GLIS3: variants seen among roughly 807,000 people sequenced by gnomAD.
GLIS3 encodes the protein zinc finger protein GLIS3.
In GLIS3, 53 loss-of-function variants were observed where a neutral mutation model predicts 78.6. The observed-to-expected ratio is 0.67, with a 90% CI of 0.54 to 0.85. The LOEUF is 0.85. Among genes scored for constraint, GLIS3 ranks in the 40% least tolerant of loss-of-function variants. The probability of loss-of-function intolerance (pLI) is 0.00; values close to 1 mark genes in which losing one functional copy is unlikely to be tolerated. For missense variants in GLIS3, 1,703 were observed against 1,231.1 expected (o/e 1.38, Z -5.74); for synonymous variants, 684 against 509.9 (o/e 1.34, Z -4.60).
In GLIS3 at chr9:4,286,477, C is replaced by T. The variant is rs1003225169; in HGVS notation, c.-52G>A. 5 of 1,604,248 alleles carry T rather than the reference C, an allele frequency of 3.1e-6. No individual in the cohort carries two copies. Among genetic ancestry groups the T allele is most frequent in the Non-Finnish European group, 4.3e-6 (5 of 1,175,526 alleles). On this transcript the variant is annotated 5_prime_UTR_variant, in exon 2 of 11. Transcript: ENST00000381971. The stretch of plus-strand genomic sequence containing the variant: ...CAAATATCCAATGTCACTAATGACT[C>T]CTTTCAGGCAAAGTCCAATAAGTTA...
chr9:4,370,183 C>CAAAAA, the GLIS3 span, among the ~76,000 whole-genome samples: 65 of 88,234 alleles, frequency 7.4e-4, no homozygotes, highest in Non-Finnish European at 6.5e-4. Context: ...GACTCCATCT[C>CAAAAA]AAAAAAAAAA....
chr9:4,316,767 G>A (rs926360907), intron 2 of GLIS3, among the ~76,000 whole-genome samples: 1 of 152,134 alleles, frequency 6.6e-6, no homozygotes, highest in Non-Finnish European at 1.5e-5. Flanking sequence ...ACTGGAATAA[G>A]CTGGTACATA....
the GLIS3 span, among the ~76,000 whole-genome samples, chr9:4,426,120 C>T: frequency 6.6e-6 from 1 of 152,070 alleles, no homozygotes; most frequent in Non-Finnish European, 1.5e-5. Context: ...GTCCAGAGCC[C>T]CCAGGTTAAG....
At chr9:3,901,838 G>C (rs1214688758) in intron 6 of GLIS3, among the ~76,000 whole-genome samples, 1 of 152,004 alleles carries the variant, frequency 6.6e-6, no homozygotes, top group African/African-American at 2.4e-5. Flanking sequence ...TGTTATTTTT[G>C]TACTAACCTA....
the GLIS3 span, among the ~76,000 whole-genome samples, chr9:4,396,687 CCCT>C: frequency 6.6e-6 from 1 of 152,078 alleles, no homozygotes; most frequent in Non-Finnish European, 1.5e-5. Context: ...GGTAAGTAGC[CCCT>C]CCTTAGAATG....
intron 2 of GLIS3, among the ~76,000 whole-genome samples, chr9:4,277,286 T>C (rs1563883271): frequency 6.6e-6 from 1 of 152,176 alleles, no homozygotes; most frequent in Non-Finnish European, 1.5e-5. Context: ...AAATCTATGA[T>C]GTGGCAGTGG....
intron 2 of GLIS3, among the ~76,000 whole-genome samples, chr9:4,211,843 A>G (rs575220633): frequency 1.1e-4 from 16 of 152,380 alleles, no homozygotes; most frequent in Admixed American, 3.3e-4. Flanking sequence ...GACAATAAAA[A>G]AGGAATGAAA....
At chr9:4,229,816 A>G (rs1822098375) in intron 2 of GLIS3, among the ~76,000 whole-genome samples, 4 of 152,240 alleles carry the variant, frequency 2.6e-5, no homozygotes. Context: ...CAAATGTCAC[A>G]TCTCCTGAAA....
rs148651532 is a variant in GLIS3 at position 3,877,117 on chromosome 9, A to G, written c.2297+2310T>C. Reference sequence around the variant, plus strand: ...GGAGGTGCAGTGAAGGGAGGTTCCGATTGATCATTCCTGAGCTTCACGACA... The same window carrying G: ...GGAGGTGCAGTGAAGGGAGGTTCCGGTTGATCATTCCTGAGCTTCACGACA... On this transcript the variant is annotated intron_variant, in intron 8 of 10. Transcript: ENST00000381971. Among the ~76,000 whole-genome samples the G allele has an allele frequency of 1.7e-3, 262 of 152,302 alleles. 3 individuals carry two copies. The highest frequency in any genetic ancestry group is 6.0e-3 in the African/African-American group (251 of 41,562).
intron 4 of GLIS3, among the ~76,000 whole-genome samples, chr9:4,032,571 T>C (rs1050842958): frequency 6.6e-6 from 1 of 152,220 alleles, no homozygotes; most frequent in African/African-American, 2.4e-5. Context: ...CTATATATCA[T>C]GTAGCAGCCT....
chr9:4,298,620 G>C (rs1195468904), intron 1 of GLIS3: 2 of 217,810 alleles, frequency 9.2e-6, no homozygotes, highest in Admixed American at 1.1e-4. Context: ...GCCGCGCGCA[G>C]GACAACGTCT....
intron 4 of GLIS3, among the ~76,000 whole-genome samples, chr9:4,087,127 A>T (rs1415556032): frequency 6.6e-6 from 1 of 152,242 alleles, no homozygotes; most frequent in Non-Finnish European, 1.5e-5. Flanking sequence ...CCAATAAATC[A>T]TGTGAAGTGG....
chr9:3,881,764 C>T (rs1821744333), intron 7 of GLIS3, among the ~76,000 whole-genome samples: 1 of 152,144 alleles, frequency 6.6e-6, no homozygotes, highest in African/African-American at 2.4e-5. Context: ...TATGTGTGTT[C>T]CTGCCCTTGG....
At chr9:3,842,262 A>G (rs1351112208) in intron 9 of GLIS3, among the ~76,000 whole-genome samples, 1 of 152,176 alleles carries the variant, frequency 6.6e-6, no homozygotes, top group Non-Finnish European at 1.5e-5. Flanking sequence ...TCACGAGGTC[A>G]TGAGTTTGAG....
intron 2 of GLIS3, among the ~76,000 whole-genome samples, chr9:4,259,228 C>G (rs1474724975): frequency 7.1e-6 from 1 of 140,338 alleles, no homozygotes. Context: ...AGGTCAGGGT[C>G]TCCAGTTGCT....
chr9:4,183,353 C>G (rs1164971481), intron 2 of GLIS3, among the ~76,000 whole-genome samples: 8 of 152,168 alleles, frequency 5.3e-5, no homozygotes, highest in Admixed American at 5.2e-4. Flanking sequence ...AACCCACATT[C>G]CTATACCCAG....
At chr9:4,194,673 T>C (rs1258332788) in intron 2 of GLIS3, among the ~76,000 whole-genome samples, 2 of 152,164 alleles carry the variant, frequency 1.3e-5, no homozygotes, top group Non-Finnish European at 2.9e-5. Context: ...AACAGCCCCC[T>C]GTGGCAGCAT....
At chr9:4,338,826 G>C (rs916491005) in intron 2 of GLIS3, among the ~76,000 whole-genome samples, 3 of 152,124 alleles carry the variant, frequency 2.0e-5, no homozygotes, top group African/African-American at 7.2e-5. Flanking sequence ...TTGGGTCCCA[G>C]CTCCAGAGAT....
chr9:4,173,920 A>ACACACACACACACG (rs1816598220), intron 2 of GLIS3, among the ~76,000 whole-genome samples: 1 of 138,002 alleles, frequency 7.2e-6, no homozygotes. Context: ...TAAAACACAC[A>ACACACACACACACG]CACACACACA....
Sources: allele counts gnomAD v4.1 joint callset (sites outside exome capture counted in the v4.1 genomes callset), GRCh38; gene constraint gnomAD v4.1.1; transcripts MANE v1.5; gene names NCBI Gene and HGNC (gene_info 2026-07-23, HGNC 2026-07-21).